PPP1R12A: variants seen among roughly 807,000 people sequenced by gnomAD.
PPP1R12A encodes the protein protein phosphatase 1 regulatory subunit 12A.
In PPP1R12A, 19 loss-of-function variants were observed where a neutral mutation model predicts 139.6. The ratio of observed to expected loss-of-function variants is 0.14; its 90% confidence interval spans 0.09 to 0.20. The LOEUF is 0.20. Among genes scored for constraint, PPP1R12A ranks in the 10% least tolerant of loss-of-function variants. The pLI is 1.00. For missense variants in PPP1R12A, 925 were observed against 1,211.5 expected, an observed-to-expected ratio of 0.76 and a Z score of 3.51; for synonymous variants, 427 against 420.6, an observed-to-expected ratio of 1.02 and a Z score of -0.19.
chr12:79,801,186 A>C (rs1242556467), intron 14 of PPP1R12A, among the ~76,000 whole-genome samples: 1 of 151,228 alleles, frequency 6.6e-6, no homozygotes, highest in African/African-American at 2.4e-5. Flanking sequence ...TCTCTATTAA[A>C]AATACAAAAT....
At chr12:79,919,746 C>T (rs1887295202) in intron 1 of PPP1R12A, among the ~76,000 whole-genome samples, 1 of 152,128 alleles carries the variant, frequency 6.6e-6, no homozygotes, top group Admixed American at 6.5e-5. Flanking sequence ...CTGTTCTGTT[C>T]ACCATCATAA....
In PPP1R12A at chr12:79,808,571, C is replaced by A; in HGVS notation, c.1462G>T (p.Asp488Tyr). The A allele has an allele frequency of 6.3e-7, 1 of 1,593,124 alleles. No individual in the cohort carries two copies. Among genetic ancestry groups the A allele is most frequent in the Non-Finnish European group, 8.6e-7 (1 of 1,163,482 alleles). Residue 488 changes from aspartate (D) to tyrosine (Y), a missense_variant, in exon 11 of 25, where the codon GAT becomes TAT. By Grantham distance (160) the Asp-to-Tyr change is radical (BLOSUM62 -3). Coordinates refer to ENST00000450142, the MANE Select transcript of PPP1R12A (RefSeq NM_002480.3). ...TATGCAAGCCTAGTTCCTTTACTAT[C>A]TTTCTCCTACACAACAGGGAAAAAA... ...SSLDNKEKEKDSKGTRLAYVA... is the reference protein window; with the variant it reads ...SSLDNKEKEKYSKGTRLAYVA...
chr12:79,855,147 C>T (rs1880491820), intron 2 of PPP1R12A, among the ~76,000 whole-genome samples: 1 of 152,026 alleles, frequency 6.6e-6, no homozygotes, highest in Admixed American at 6.6e-5. Flanking sequence ...TGCCACCACG[C>T]CCGGCTAATT....
At chr12:79,897,185 C>G (rs1461202117) in intron 1 of PPP1R12A, among the ~76,000 whole-genome samples, 1 of 152,178 alleles carries the variant, frequency 6.6e-6, no homozygotes, top group Non-Finnish European at 1.5e-5. Flanking sequence ...TAAACATACA[C>G]ACCATGGAAT....
At chr12:79,776,449 A>G (rs1037564028) in intron 24 of PPP1R12A, among the ~76,000 whole-genome samples, 1 of 152,130 alleles carries the variant, frequency 6.6e-6, no homozygotes, top group African/African-American at 2.4e-5. Context: ...CAAACTACCT[A>G]GGAAAACATT....
intron 1 of PPP1R12A, among the ~76,000 whole-genome samples, chr12:79,877,529 C>T (rs1286406423): frequency 6.6e-6 from 1 of 152,130 alleles, no homozygotes; most frequent in East Asian, 1.9e-4. Context: ...AATTCTTTCT[C>T]TTTTCAGACA....
chr12:79,897,224 T>C lies in PPP1R12A; in HGVS notation c.238-24286A>G, dbSNP rs115915692. ...AGAGAGCCATAAAAAAATAACGAAA[T>C]CATGTCTTCTGCAGTAACATGGATG... On this transcript the variant is annotated intron_variant, in intron 1 of 24. Transcript: ENST00000450142. Among the ~76,000 whole-genome samples the C allele has an allele frequency of 5.3e-3, 805 of 152,244 alleles. 7 individuals carry two copies. The highest frequency in any genetic ancestry group is 0.019 in the African/African-American group (777 of 41,534).
chr12:79,895,711 G>A (rs1345309291), intron 1 of PPP1R12A, among the ~76,000 whole-genome samples: 3 of 152,122 alleles, frequency 2.0e-5, no homozygotes, highest in Non-Finnish European at 4.4e-5. Context: ...GAAAACCACA[G>A]TTTGACATCA....
chr12:79,796,828 G>C lies in PPP1R12A; in HGVS notation c.2415C>G (p.Gly805=). 6.2e-7 allele frequency: 1 copy of C among 1,611,432 alleles called. No individual in the cohort carries two copies. Among genetic ancestry groups the C allele is most frequent in the Non-Finnish European group, 8.5e-7 (1 of 1,177,974 alleles). ...SQLNRPNSLV[G]ITSAYSRGIT... ...TTCCTCTGGAGTAAGCAGAAGTTAT[G>C]CCTACAAGACTATTTGGCCTGTTTA... Residue 805 remains glycine, a synonymous_variant, in exon 17 of 25, where the codon GGC becomes GGG. Transcript: ENST00000450142.
At chr12:79,870,642 T>G (rs1011059656) in intron 2 of PPP1R12A, among the ~76,000 whole-genome samples, 8 of 152,204 alleles carry the variant, frequency 5.3e-5, no homozygotes, top group African/African-American at 1.9e-4. Context: ...CTAATTAGAT[T>G]AGCAACTATA....
chr12:79,805,114 C>T (rs997214498), intron 14 of PPP1R12A, among the ~76,000 whole-genome samples: 1 of 152,192 alleles, frequency 6.6e-6, no homozygotes, highest in African/African-American at 2.4e-5. Flanking sequence ...ATTTGGCTTA[C>T]ACTTATGCAC....
At chr12:79,807,461 C>T in intron 11 of PPP1R12A, 131 bp from the exon 12 acceptor site, 1 of 596,826 alleles carries the variant, frequency 1.7e-6, no homozygotes, top group East Asian at 3.1e-5. Flanking sequence ...GAATACTAAT[C>T]AAGAAGATAA....
Position 79,821,103 on chromosome 12 carries a change from T to C in PPP1R12A, c.931A>G (p.Asn311Asp). 6.2e-7 allele frequency: 1 copy of C among 1,612,736 alleles called. No individual in the cohort carries two copies. The highest frequency in any genetic ancestry group is 8.5e-7 in the Non-Finnish European group (1 of 1,178,996). Reference sequence around the variant, plus strand: ...TTTTTAAAGGTCTTCTGTGACTGATTATTGTCCATATTTGCTGTTGATTCA... The same window carrying C: ...TTTTTAAAGGTCTTCTGTGACTGATCATTGTCCATATTTGCTGTTGATTCA... ...LIESTANMDNNQSQKTFKNKE... is the reference protein window; with the variant it reads ...LIESTANMDNDQSQKTFKNKE... Residue 311 changes from asparagine to aspartate, a missense_variant, in exon 7 of 25, where the codon AAT (asparagine) becomes GAT (aspartate). By Grantham distance (23) the Asn-to-Asp change is conservative (BLOSUM62 1). Around this residue, in one of 4 missense-constraint regions of PPP1R12A, gnomAD observed 403 missense variants for 463.7 expected, o/e 0.87. Transcript: ENST00000450142.
intron 3 of PPP1R12A, among the ~76,000 whole-genome samples, chr12:79,844,998 T>C (rs1592704593): frequency 6.6e-6 from 1 of 152,218 alleles, no homozygotes; most frequent in East Asian, 1.9e-4. Flanking sequence ...CTTTGCAATG[T>C]GCCACTTACC....
chr12:79,859,337 T>TAAA (rs762029004), intron 2 of PPP1R12A, among the ~76,000 whole-genome samples: 1 of 74,270 alleles, frequency 1.3e-5, no homozygotes, highest in Non-Finnish European at 2.8e-5. Flanking sequence ...ACTCTGTCTT[T>TAAA]AAAAAAAAAA....
intron 1 of PPP1R12A, among the ~76,000 whole-genome samples, chr12:79,891,238 A>T (rs938601493): frequency 6.6e-6 from 1 of 152,164 alleles, no homozygotes; most frequent in East Asian, 1.9e-4. Context: ...AAGGATTGAA[A>T]AAATCTTATA....
chr12:79,920,977 G>A (rs1302352289), intron 1 of PPP1R12A, among the ~76,000 whole-genome samples: 3 of 152,164 alleles, frequency 2.0e-5, no homozygotes, highest in Admixed American at 6.5e-5. Context: ...CATCCTAGTA[G>A]GTGTGAACTA....
chr12:79,783,295 CAAAAAA>C (rs5799441), intron 22 of PPP1R12A, among the ~76,000 whole-genome samples: 18 of 117,084 alleles, frequency 1.5e-4, no homozygotes, highest in South Asian at 2.9e-4. Flanking sequence ...CCGTCTCTAC[CAAAAAA>C]AAAAAAAAAA....
rs374496512 is a variant in PPP1R12A at position 79,786,474 on chromosome 12, T to C, written c.2807A>G (p.Tyr936Cys). 6 of 1,533,312 alleles carry C rather than the reference T, an allele frequency of 3.9e-6. No individual in the cohort carries two copies. Among genetic ancestry groups the C allele is most frequent in the Non-Finnish European group, 5.3e-6 (6 of 1,138,578 alleles). The allele number at this position is 1,533,312 out of a possible 1,614,324, so 95.0% of individuals were successfully genotyped here. A position where few individuals can be genotyped will look rare whatever the true frequency, so the allele number is the denominator to read the frequency against. The change falls in exon 22 of 25, where the codon TAT becomes TGT. Residue 936 changes from tyrosine to cysteine, a missense_variant. Coordinates refer to ENST00000450142, the MANE Select transcript of PPP1R12A (RefSeq NM_002480.3). ...TTCATTTTCAGCTAGAATTTGTTCA[T>C]AAAGCTATAAAAATTAGGGTAAAAG... ...KDDSTDFKKLYEQILAENEKL... is the reference protein window; with the variant it reads ...KDDSTDFKKLCEQILAENEKL...
Sources: gnomAD v4.1 joint callset for allele counts (sites outside exome capture counted in the v4.1 genomes callset) on GRCh38, gnomAD v4.1.1 for gene constraint, gnomAD v4.1.1 regional missense constraint, MANE v1.5 for transcripts, NCBI Gene and HGNC (gene_info 2026-07-23, HGNC 2026-07-21) for gene names.